Variants in SLC9A9 observed in about 807,000 individuals in gnomAD.
The protein encoded by SLC9A9 is sodium/hydrogen exchanger 9.
In SLC9A9, 62 loss-of-function variants were observed where a neutral mutation model predicts 77.8. That is an observed-to-expected ratio of 0.80 (90% CI 0.65 to 0.98). The LOEUF is 0.98. Among genes scored for constraint, SLC9A9 ranks in the 50% least tolerant of loss-of-function variants. SLC9A9 has a pLI of 0.00. For synonymous variants in SLC9A9, 320 were observed against 283.5 expected (o/e 1.13, Z -1.29); for missense variants, 775 against 774.9 (o/e 1.00, Z 0.00).
intron 2 of SLC9A9, among the ~76,000 whole-genome samples, chr3:143,819,006 C>A (rs974610321): frequency 6.6e-6 from 1 of 152,038 alleles, no homozygotes; most frequent in Non-Finnish European, 1.5e-5. Context: ...CGCTTGAACC[C>A]GGGAGGTGGA....
At chr3:143,677,698 T>G (rs1932927712) in intron 5 of SLC9A9, among the ~76,000 whole-genome samples, 1 of 152,208 alleles carries the variant, frequency 6.6e-6, no homozygotes, top group South Asian at 2.1e-4. Flanking sequence ...GTTGCCAAAC[T>G]GTTAGGGGTA....
At chr3:143,685,259 A>G (rs994902566) in intron 5 of SLC9A9, among the ~76,000 whole-genome samples, 1 of 152,090 alleles carries the variant, frequency 6.6e-6, no homozygotes, top group African/African-American at 2.4e-5. Context: ...CTTTTTTCAA[A>G]TGATGTCTTG....
intron 2 of SLC9A9, among the ~76,000 whole-genome samples, chr3:143,829,840 T>A (rs2009389499): frequency 6.6e-6 from 1 of 152,168 alleles, no homozygotes. Context: ...AGGCCCCATG[T>A]TAGCCAGGCA....
At chr3:143,550,586 C>T (rs528774721) in intron 9 of SLC9A9, among the ~76,000 whole-genome samples, 2 of 152,234 alleles carry the variant, frequency 1.3e-5, no homozygotes, top group East Asian at 1.9e-4. Flanking sequence ...AACATGTGGC[C>T]CTAGCAAAGC....
At chr3:143,335,465 AT>A (rs1340922394) in intron 14 of SLC9A9, among the ~76,000 whole-genome samples, 1 of 152,202 alleles carries the variant, frequency 6.6e-6, no homozygotes, top group Non-Finnish European at 1.5e-5. Context: ...ATATCAAAAC[AT>A]TCTTGAAAAA....
At chr3:143,357,738 C>T (rs976748526) in intron 14 of SLC9A9, among the ~76,000 whole-genome samples, 1 of 152,116 alleles carries the variant, frequency 6.6e-6, no homozygotes, top group Non-Finnish European at 1.5e-5. Flanking sequence ...CTCTTGGGCT[C>T]AGTTGCCTCA....
At chr3:143,835,207 T>C (rs1314583465) in intron 1 of SLC9A9, among the ~76,000 whole-genome samples, 2 of 152,220 alleles carry the variant, frequency 1.3e-5, no homozygotes, top group African/African-American at 4.8e-5. Context: ...CCACATTCTC[T>C]AAAGGAATGA....
chr3:143,678,050 T>A (rs1932942730), intron 5 of SLC9A9, among the ~76,000 whole-genome samples: 1 of 152,168 alleles, frequency 6.6e-6, no homozygotes, highest in South Asian at 2.1e-4. Context: ...ATGGTCTGGA[T>A]CTCCTGACCT....
intron 9 of SLC9A9, chr3:143,517,189 T>C (rs2036215201): frequency 4.9e-6 from 7 of 1,427,098 alleles, no homozygotes; most frequent in Non-Finnish European, 5.9e-6. Flanking sequence ...TGCTCTGGTA[T>C]TTTGACATAC....
At chr3:143,780,911 T>A (rs1410198344) in intron 4 of SLC9A9, among the ~76,000 whole-genome samples, 1 of 152,254 alleles carries the variant, frequency 6.6e-6, no homozygotes, top group Non-Finnish European at 1.5e-5. Flanking sequence ...ATATTCTTTT[T>A]TAAATTAACA....
chr3:143,650,511 G>A (rs965363397), intron 6 of SLC9A9, among the ~76,000 whole-genome samples: 19 of 152,330 alleles, frequency 1.2e-4, no homozygotes, highest in African/African-American at 4.6e-4. Context: ...CCTGGACCAG[G>A]ACATGGCAGA....
intron 12 of SLC9A9, among the ~76,000 whole-genome samples, chr3:143,405,619 C>A (rs982304191): frequency 5.9e-5 from 9 of 152,172 alleles, no homozygotes; most frequent in Admixed American, 3.3e-4. Flanking sequence ...GGAAAGGGAG[C>A]ATTATTTTTT....
rs77977419 is a variant in SLC9A9, at chr3:143,743,769, A to G, written c.534-50462T>C. ...TATTCCTTAATCCAGTTAAGTTGAC[A>G]CCTAAAATGAATGATACAGAACCTT... On this transcript the variant is annotated intron_variant, in intron 4 of 15. Coordinates refer to ENST00000316549, the MANE Select transcript of SLC9A9 (RefSeq NM_173653.4). 5.6e-3 allele frequency among the ~76,000 whole-genome samples: 851 copies of G among 152,278 alleles called. 4 individuals are homozygous for G. Among genetic ancestry groups the G allele is most frequent in the African/African-American group, 0.019 (791 of 41,550 alleles).
At chr3:143,435,553 A>T (rs1399301506) in intron 12 of SLC9A9, among the ~76,000 whole-genome samples, 1 of 152,242 alleles carries the variant, frequency 6.6e-6, no homozygotes, top group Non-Finnish European at 1.5e-5. Flanking sequence ...AAATTGGGAA[A>T]TGCAGAAAAG....
intron 6 of SLC9A9, among the ~76,000 whole-genome samples, chr3:143,596,277 C>A (rs1040363492): frequency 1.3e-5 from 2 of 152,144 alleles, no homozygotes; most frequent in African/African-American, 4.8e-5. Flanking sequence ...AAATCCTAAT[C>A]TCTTCTCAAC....
At chr3:143,733,762 C>A (rs1341453894) in intron 4 of SLC9A9, among the ~76,000 whole-genome samples, 1 of 151,750 alleles carries the variant, frequency 6.6e-6, no homozygotes, top group South Asian at 2.1e-4. Context: ...GTAGATCTAG[C>A]CTTGAACTGT....
chr3:143,783,217 A>T (rs932110608), intron 4 of SLC9A9, among the ~76,000 whole-genome samples: 3 of 152,112 alleles, frequency 2.0e-5, no homozygotes, highest in Non-Finnish European at 4.4e-5. Flanking sequence ...ACTGCAGAAC[A>T]CAGGTCTCAA....
chr3:143,608,173 T>C (rs1055297531), intron 6 of SLC9A9, among the ~76,000 whole-genome samples: 5 of 152,240 alleles, frequency 3.3e-5, no homozygotes, highest in African/African-American at 9.6e-5. Context: ...GAGCAGACTC[T>C]TGACTGGCTA....
chr3:143,507,101 C>G (rs1186227961), intron 9 of SLC9A9, among the ~76,000 whole-genome samples: 1 of 143,486 alleles, frequency 7.0e-6, no homozygotes, highest in Non-Finnish European at 1.6e-5. Context: ...TTTTTTAGAG[C>G]AATTTTAGGT....
Sources: allele counts gnomAD v4.1 joint callset (sites outside exome capture counted in the v4.1 genomes callset), GRCh38; gene constraint gnomAD v4.1.1; transcripts MANE v1.5; gene names NCBI Gene and HGNC (gene_info 2026-07-23, HGNC 2026-07-21).